Variants in DSC1 observed in about 807,000 individuals in gnomAD.
The protein encoded by DSC1 is desmocollin-1.
In DSC1, 79 loss-of-function variants were observed where a neutral mutation model predicts 98.8. That is an observed-to-expected ratio of 0.80 (90% confidence interval 0.67 to 0.96). DSC1 has a LOEUF of 0.96. Among genes scored for constraint, DSC1 ranks in the 50% least tolerant of loss-of-function variants. DSC1 has a pLI of 0.00. For synonymous variants in DSC1, 405 were observed against 372.1 expected (o/e 1.09, Z -1.02); for missense variants, 1,115 against 1,075.9 (o/e 1.04, Z -0.51).
At position 31,139,806 on chromosome 18, in the gene DSC1, T is replaced by C; in HGVS notation, c.1605A>G (p.Arg535=). Residue 535 remains arginine, a synonymous_variant, in exon 11 of 16, where the codon AGA becomes AGG. Transcript: ENST00000257198. ...GDLRTLKVLD[R]ESKFVKNNQY... ...GGTTGTTTTTTACAAATTTGGATTC[T>C]CTATCTAGTACTTTTAGAGTTCTCA... 6.2e-7 allele frequency: 1 copy of C among 1,611,924 alleles called. No homozygotes were observed. Among genetic ancestry groups the C allele is most frequent in the Non-Finnish European group, 8.5e-7 (1 of 1,179,168 alleles).
Position 31,148,650 on chromosome 18 carries a change from A to C in DSC1, c.628-8T>G. On this transcript the variant is annotated splice_region_variant and splice_polypyrimidine_tract_variant and intron_variant, in intron 5 of 15. Coordinates refer to ENST00000257198, the MANE Select transcript of DSC1 (RefSeq NM_024421.2). Reference sequence around the variant, plus strand: ...TGTTGCATAGCCATATAACTGAAAGAAGGGAAAATACCATCAATGTATTCT... The same window carrying C: ...TGTTGCATAGCCATATAACTGAAAGCAGGGAAAATACCATCAATGTATTCT... 1.3e-6 allele frequency: 2 copies of C among 1,567,328 alleles called. No individual in the cohort carries two copies. The highest frequency in any genetic ancestry group is 1.7e-6 in the Non-Finnish European group (2 of 1,147,016).
At chr18:31,150,043 T>C (rs923025603) in intron 5 of DSC1, among the ~76,000 whole-genome samples, 4 of 93,324 alleles carry the variant, frequency 4.3e-5, no homozygotes, top group Admixed American at 1.8e-4. Context: ...ACCATCATCA[T>C]CACCACCACC....
intron 5 of DSC1, 111 bp from the exon 6 acceptor site, chr18:31,148,753 G>A: frequency 9.4e-6 from 10 of 1,059,542 alleles, no homozygotes; most frequent in Non-Finnish European, 1.3e-5. Flanking sequence ...CATTCCCAAA[G>A]ACCCGTAACT....
intron 11 of DSC1, among the ~76,000 whole-genome samples, chr18:31,138,925 T>C (rs548436816): frequency 2.6e-5 from 4 of 152,208 alleles, no homozygotes; most frequent in African/African-American, 9.6e-5. Context: ...CCAAAATTTA[T>C]GGTAAATTTG....
chr18:31,148,537 T>A lies in DSC1; in HGVS notation c.733A>T (p.Arg245Ter). Reference protein sequence around the residue: ...DNDNAPYFEHRVTIFTVPENC... With the variant: ...DNDNAPYFEH ...TCAGGCACAGTAAAGATAGTCACTC[T>A]GTGTTCAAAATATGGGGCGTTATCA... is the stretch of plus-strand genomic sequence containing the variant. The change falls in exon 6 of 16, where the codon AGA becomes TGA. Residue 245 changes from arginine to a stop codon, truncating the protein, a stop_gained. Coordinates refer to ENST00000257198, the MANE Select transcript of DSC1 (RefSeq NM_024421.2). LOFTEE classifies it high-confidence loss of function. 6.2e-7 allele frequency: 1 copy of A among 1,611,242 alleles called. No individual in the cohort carries two copies. The highest frequency in any genetic ancestry group is 8.5e-7 in the Non-Finnish European group (1 of 1,177,898).
intron 4 of DSC1, 45 bp from the exon 5 acceptor site, chr18:31,154,974 AT>A: frequency 6.3e-7 from 1 of 1,597,884 alleles, no homozygotes; most frequent in Non-Finnish European, 8.5e-7. Context: ...CATGATGAAT[AT>A]TTTCAACCTA....
intron 2 of DSC1, among the ~76,000 whole-genome samples, chr18:31,159,064 T>TTTTTTTTTTTTTA (rs1398116576): frequency 1.0e-5 from 1 of 99,742 alleles, no homozygotes. Flanking sequence ...TTTTTTTTTT[T>TTTTTTTTTTTTTA]GAGACAGAGT....
At position 31,154,882 on chromosome 18, in the gene DSC1, A is replaced by C; in HGVS notation, c.519T>G (p.Ser173Arg). The C allele has an allele frequency of 1.2e-6, 2 of 1,614,122 alleles. No homozygotes were observed. The highest frequency in any genetic ancestry group is 1.7e-6 in the Non-Finnish European group (2 of 1,179,992). ...AQNYTIFYSISGPGVDKEPFN... is the reference protein window; with the variant it reads ...AQNYTIFYSIRGPGVDKEPFN... ...AGGGTTCTTTGTCCACGCCTGGCCCACTTATGGAATAAAAGATGGTGTAAT... is the reference window on the plus strand; with the variant it reads ...AGGGTTCTTTGTCCACGCCTGGCCCCCTTATGGAATAAAAGATGGTGTAAT... The change falls in exon 5 of 16, where the codon AGT becomes AGG. Residue 173 changes from serine (S) to arginine (R), a missense_variant. Transcript: ENST00000257198.
chr18:31,143,082 T>G (rs1030416660), intron 8 of DSC1, among the ~76,000 whole-genome samples: 3 of 151,906 alleles, frequency 2.0e-5, no homozygotes, highest in African/African-American at 7.3e-5. Flanking sequence ...AACCATTTCC[T>G]GAAACTATTG....
At chr18:31,138,026 A>C (rs1370731536) in intron 11 of DSC1, among the ~76,000 whole-genome samples, 1 of 151,100 alleles carries the variant, frequency 6.6e-6, no homozygotes, top group African/African-American at 2.4e-5. Context: ...AGTTCAAAGA[A>C]ACAAAATCCA....
chr18:31,162,137 T>C (rs180988895), intron 1 of DSC1, among the ~76,000 whole-genome samples: 1 of 152,336 alleles, frequency 6.6e-6, no homozygotes, highest in East Asian at 1.9e-4. Flanking sequence ...CCTTTCTCTT[T>C]TTTTGCAGCT....
intron 4 of DSC1, 88 bp from the exon 5 acceptor site, chr18:31,155,017 A>G: frequency 7.0e-7 from 1 of 1,427,440 alleles, no homozygotes; most frequent in Non-Finnish European, 9.6e-7. Flanking sequence ...TTTTACCACT[A>G]CCCCTCTTTC....
chr18:31,157,981 A>T (rs1313655157), intron 2 of DSC1, among the ~76,000 whole-genome samples: 1 of 152,190 alleles, frequency 6.6e-6, no homozygotes, highest in Non-Finnish European at 1.5e-5. Context: ...CTATCTTGCC[A>T]AAAATAAGAA....
At chr18:31,132,337 A>T (rs1384402872) in intron 14 of DSC1, 1 of 451,452 alleles carries the variant, frequency 2.2e-6, no homozygotes, top group Non-Finnish European at 3.8e-6. Context: ...TAGTCTCCAG[A>T]TCTGTGAAAC....
chr18:31,157,027 C>A (rs530382314), intron 3 of DSC1, among the ~76,000 whole-genome samples: 25 of 152,340 alleles, frequency 1.6e-4, no homozygotes, highest in African/African-American at 5.8e-4. Flanking sequence ...GAGCCCACAT[C>A]TCCAGCCTGA....
At chr18:31,142,598 T>C (rs1173803643) in intron 8 of DSC1, among the ~76,000 whole-genome samples, 3 of 152,210 alleles carry the variant, frequency 2.0e-5, no homozygotes, top group Non-Finnish European at 4.4e-5. Flanking sequence ...TTCTTATTTC[T>C]GGAGAATTGT....
chr18:31,130,950 TCA>T, intron 15 of DSC1: 1 of 954,910 alleles, frequency 1.0e-6, no homozygotes, highest in Non-Finnish European at 1.6e-6. Context: ...TACGCATATA[TCA>T]CGCAACACAT....
chr18:31,143,669 G>A lies in DSC1; in HGVS notation c.1062C>T (p.Phe354=), dbSNP rs775477153. ...GAGGTATACTCACAGAAGTTTCTGT[G>A]AAAGATGGTGGATTGTCATTTTCAT... ...LEDENDNPPS[F]TETSYVTEVE... is the part of the protein sequence containing the mutation. The change falls in exon 8 of 16, where the codon TTC becomes TTT. Residue 354 remains phenylalanine, a synonymous_variant. Coordinates refer to ENST00000257198, the MANE Select transcript of DSC1 (RefSeq NM_024421.2). 1 of 1,578,384 alleles carries A rather than the reference G, an allele frequency of 6.3e-7. No individual in the cohort carries two copies. The highest frequency in any genetic ancestry group is 2.3e-5 in the East Asian group (1 of 43,604).
At chr18:31,137,203 T>A (rs1424095489) in intron 11 of DSC1, among the ~76,000 whole-genome samples, 1 of 152,106 alleles carries the variant, frequency 6.6e-6, no homozygotes, top group African/African-American at 2.4e-5. Context: ...TAAGCTACAA[T>A]ATGCCTCCTA....
Sources: gnomAD v4.1 joint callset for allele counts (sites outside exome capture counted in the v4.1 genomes callset) on GRCh38, gnomAD v4.1.1 for gene constraint, MANE v1.5 for transcripts, NCBI Gene and HGNC (gene_info 2026-07-23, HGNC 2026-07-21) for gene names.